The following ZMAT4 variants were observed in gnomAD, a reference collection of about 807,000 sequenced individuals.
ZMAT4 encodes zinc finger matrin-type protein 4.
Under a neutral mutation model 28.7 loss-of-function variants are expected in ZMAT4, and 17 were observed. The ratio of observed to expected loss-of-function variants is 0.59; its 90% CI spans 0.41 to 0.89. The LOEUF (loss-of-function observed/expected upper bound fraction) is 0.89. Ranked by LOEUF, ZMAT4 falls within the 40% of genes least tolerant of loss-of-function variation. The pLI is 0.00. For missense variants in ZMAT4, 240 were observed against 283.8 expected, an observed-to-expected ratio of 0.85 and a Z score of 1.11; for synonymous variants, 117 against 109.2, an observed-to-expected ratio of 1.07 and a Z score of -0.44.
intron 1 of ZMAT4, among the ~76,000 whole-genome samples, chr8:40,833,517 G>A (rs1186925127): frequency 1.6e-5 from 2 of 128,652 alleles, no homozygotes; most frequent in East Asian, 4.9e-4. Context: ...GCAGTGAACC[G>A]AGATCATACC....
At chr8:40,792,315 A>G (rs1016113768) in intron 2 of ZMAT4, among the ~76,000 whole-genome samples, 17 of 151,566 alleles carry the variant, frequency 1.1e-4, no homozygotes, top group African/African-American at 3.9e-4. Context: ...AAAGGAGACT[A>G]TAAATAGTTA....
At chr8:40,836,143 T>C (rs1262118318) in intron 1 of ZMAT4, among the ~76,000 whole-genome samples, 2 of 152,188 alleles carry the variant, frequency 1.3e-5, no homozygotes, top group African/African-American at 4.8e-5. Context: ...TACTTTGGGA[T>C]GCAGTAAGAA....
intron 5 of ZMAT4, among the ~76,000 whole-genome samples, chr8:40,668,570 A>G (rs1273103889): frequency 6.6e-6 from 1 of 152,090 alleles, no homozygotes; most frequent in Non-Finnish European, 1.5e-5. Context: ...TAGGGAAAAA[A>G]AATGCCACTA....
At chr8:40,845,751 T>A (rs1315659318) in intron 1 of ZMAT4, among the ~76,000 whole-genome samples, 1 of 137,602 alleles carries the variant, frequency 7.3e-6, no homozygotes, top group Non-Finnish European at 1.5e-5. Flanking sequence ...TGTTTCAACC[T>A]CACTAGTTCA....
At chr8:40,843,470 A>C (rs562235079) in intron 1 of ZMAT4, among the ~76,000 whole-genome samples, 28 of 152,322 alleles carry the variant, frequency 1.8e-4, no homozygotes, top group African/African-American at 6.7e-4. Flanking sequence ...GAAGAGACCC[A>C]TAAGATCCTG....
intron 2 of ZMAT4, among the ~76,000 whole-genome samples, chr8:40,793,661 A>G (rs954681424): frequency 1.3e-5 from 2 of 152,230 alleles, no homozygotes; most frequent in African/African-American, 4.8e-5. Context: ...TGAATTGCTC[A>G]TGACAAGTAA....
chr8:40,600,934 T>A (rs1403711428), intron 5 of ZMAT4, among the ~76,000 whole-genome samples: 1 of 152,126 alleles, frequency 6.6e-6, no homozygotes, highest in Non-Finnish European at 1.5e-5. Flanking sequence ...AGGAAAAACA[T>A]CTGCTGTTCC....
chr8:40,563,950 G>A (rs1803832656), intron 6 of ZMAT4, among the ~76,000 whole-genome samples: 1 of 152,056 alleles, frequency 6.6e-6, no homozygotes, highest in Admixed American at 6.6e-5. Context: ...GGAAACCAAT[G>A]AGTTTCCACC....
At chr8:40,653,699 A>T (rs1807788014) in intron 5 of ZMAT4, among the ~76,000 whole-genome samples, 1 of 152,198 alleles carries the variant, frequency 6.6e-6, no homozygotes, top group African/African-American at 2.4e-5. Flanking sequence ...GAAAGAAACT[A>T]CCAAAACTGA....
intron 1 of ZMAT4, among the ~76,000 whole-genome samples, chr8:40,881,440 AAAG>A (rs1818225099): frequency 1.2e-5 from 1 of 81,610 alleles, no homozygotes; most frequent in South Asian, 3.7e-4. Context: ...AGAGAGAAAG[AAAG>A]AAAGAAAGAA....
chr8:40,755,379 G>A (rs1812636435), intron 3 of ZMAT4, among the ~76,000 whole-genome samples: 1 of 152,150 alleles, frequency 6.6e-6, no homozygotes, highest in African/African-American at 2.4e-5. Flanking sequence ...GAAAGCAGCT[G>A]TGGATAACAT....
intron 3 of ZMAT4, among the ~76,000 whole-genome samples, chr8:40,744,168 C>A (rs935760865): frequency 6.6e-6 from 1 of 152,164 alleles, no homozygotes; most frequent in Non-Finnish European, 1.5e-5. Context: ...GATTCTCCAA[C>A]CCTACCTGTT....
intron 5 of ZMAT4, among the ~76,000 whole-genome samples, chr8:40,589,971 C>CCCTCCATTCCTTCCTTCCTT (rs1341460065): frequency 6.9e-5 from 2 of 28,798 alleles, no homozygotes; most frequent in Non-Finnish European, 1.2e-4. Flanking sequence ...TTCCCTCCCT[C>CCCTCCATTCCTTCCTTCCTT]CCTTCCTTCC....
At chr8:40,661,323 C>T (rs896402225) in intron 5 of ZMAT4, among the ~76,000 whole-genome samples, 1 of 152,212 alleles carries the variant, frequency 6.6e-6, no homozygotes, top group African/African-American at 2.4e-5. Context: ...TGGTCTTGAA[C>T]TCTTGACCCC....
intron 6 of ZMAT4, among the ~76,000 whole-genome samples, chr8:40,551,921 A>G (rs1465987005): frequency 6.6e-6 from 1 of 152,160 alleles, no homozygotes; most frequent in African/African-American, 2.4e-5. Flanking sequence ...ATCAAAGAAG[A>G]AGAGTACTAA....
rs1211568595 is a variant in ZMAT4, at chr8:40,825,572, T to C, written c.102+3A>G. 6.4e-7 allele frequency: 1 copy of C among 1,551,654 alleles called. No homozygotes were observed. The highest frequency in any genetic ancestry group is 2.4e-5 in the East Asian group (1 of 41,066). On this transcript the variant is annotated splice_donor_region_variant and intron_variant, in intron 2 of 6. Coordinates refer to ENST00000297737, the MANE Select transcript of ZMAT4 (RefSeq NM_024645.3). ...CAAACAGAGTGGGAAACGCTGTCCTTACCTCGTAGTGGGCCACACGCTGCG... is the reference window on the plus strand; with the variant it reads ...CAAACAGAGTGGGAAACGCTGTCCTCACCTCGTAGTGGGCCACACGCTGCG...
At chr8:40,724,202 G>C (rs74879148) in intron 3 of ZMAT4, among the ~76,000 whole-genome samples, 2 of 152,242 alleles carry the variant, frequency 1.3e-5, no homozygotes, top group East Asian at 3.9e-4. Context: ...CAAGAAAAGG[G>C]GTAGGTAGAC....
At chr8:40,572,427 G>A (rs938173057) in intron 6 of ZMAT4, among the ~76,000 whole-genome samples, 30 of 152,256 alleles carry the variant, frequency 2.0e-4, no homozygotes, top group Middle Eastern at 3.4e-3. Context: ...TTTTTGGTCA[G>A]TCTAATTTAT....
At chr8:40,656,859 A>G (rs117270223) in intron 5 of ZMAT4, among the ~76,000 whole-genome samples, 1,869 of 152,232 alleles carry the variant, frequency 0.012, 13 homozygotes, top group Middle Eastern at 0.068. Context: ...TAAAACCTAG[A>G]CTAGTGGTTG....
Sources: gnomAD v4.1 joint callset for allele counts (sites outside exome capture counted in the v4.1 genomes callset) on GRCh38, gnomAD v4.1.1 for gene constraint, MANE v1.5 for transcripts, NCBI Gene and HGNC (gene_info 2026-07-23, HGNC 2026-07-21) for gene names.